SESN3: variants seen among roughly 807,000 people sequenced by gnomAD.
SESN3 encodes the protein sestrin-3.
A neutral mutation model predicts 55.3 loss-of-function variants in SESN3; 21 were observed. The ratio of observed to expected loss-of-function variants is 0.38; its 90% CI spans 0.27 to 0.55. The LOEUF (loss-of-function observed/expected upper bound fraction) is 0.55, where lower values mean the gene tolerates loss of function less well. Among genes scored for constraint, SESN3 ranks in the 20% least tolerant of loss-of-function variants. The pLI is 0.76. For synonymous variants in SESN3, 181 were observed against 203.1 expected, an observed-to-expected ratio of 0.89 and a Z score of 0.93; for missense variants, 408 against 604.3, an observed-to-expected ratio of 0.68 and a Z score of 3.41.
intron 5 of SESN3, 53 bp from the exon 6 acceptor site, chr11:95,184,647 T>C: frequency 1.3e-6 from 2 of 1,505,522 alleles, no homozygotes; most frequent in Non-Finnish European, 1.8e-6. Context: ...AGTGTTCCAG[T>C]AAATATCTCC....
At chr11:95,195,448 C>T (rs1163340528) in intron 1 of SESN3, among the ~76,000 whole-genome samples, 8 of 152,074 alleles carry the variant, frequency 5.3e-5, no homozygotes, top group Admixed American at 3.3e-4. Flanking sequence ...ATTTATTTAG[C>T]AAACATTAAT....
intron 1 of SESN3, among the ~76,000 whole-genome samples, chr11:95,205,185 C>T (rs1280268055): frequency 1.3e-5 from 2 of 152,142 alleles, no homozygotes; most frequent in African/African-American, 4.8e-5. Context: ...CTGAAACTTT[C>T]TCAGGGAATA....
At chr11:95,207,775 G>A (rs1860576669) in intron 1 of SESN3, among the ~76,000 whole-genome samples, 2 of 151,182 alleles carry the variant, frequency 1.3e-5, no homozygotes, top group South Asian at 4.3e-4. Flanking sequence ...CAGAAGAACT[G>A]TAATTTTAAA....
At chr11:95,224,692 A>G (rs886840425) in intron 1 of SESN3, among the ~76,000 whole-genome samples, 17 of 152,200 alleles carry the variant, frequency 1.1e-4, no homozygotes, top group African/African-American at 3.9e-4. Context: ...TGACAGATAC[A>G]TATTTTCAAA....
At chr11:95,219,617 C>T (rs1238312734) in intron 1 of SESN3, among the ~76,000 whole-genome samples, 30 of 152,108 alleles carry the variant, frequency 2.0e-4, no homozygotes, top group Admixed American at 1.9e-3. Context: ...GTCCCAACAC[C>T]CTGCTTATTA....
rs1288757438 is a variant in SESN3 at position 95,231,185 on chromosome 11, G to A, written c.-325C>T. ...CACCGCTGCCACCGCCACCACCGCC[G>A]CCGCAGCGCCTCAGTGCGGCCCCGC... On this transcript the variant is annotated 5_prime_UTR_variant, in exon 1 of 10. Coordinates refer to ENST00000536441, the MANE Select transcript of SESN3 (RefSeq NM_144665.4). 5.5e-6 allele frequency: 1 copy of A among 182,236 alleles called. No homozygotes were observed. The highest frequency in any genetic ancestry group is 1.3e-4 in the East Asian group (1 of 7,534). 11.3% of individuals were successfully genotyped at this position (182,236 alleles called of 1,614,324 possible).
At chr11:95,177,674 A>G (rs1463658450) in intron 8 of SESN3, 45 bp downstream of exon 8, 1 of 1,473,808 alleles carries the variant, frequency 6.8e-7, no homozygotes, top group Admixed American at 2.1e-5. Flanking sequence ...TCATGCTTGA[A>G]TTTTCACTTA....
chr11:95,210,474 A>G (rs1290882433), intron 1 of SESN3, among the ~76,000 whole-genome samples: 3 of 152,222 alleles, frequency 2.0e-5, no homozygotes, highest in African/African-American at 7.2e-5. Flanking sequence ...GATGATCTGA[A>G]ATAAGACGTA....
intron 1 of SESN3, among the ~76,000 whole-genome samples, chr11:95,218,557 G>T (rs1001530934): frequency 9.9e-5 from 15 of 151,136 alleles, no homozygotes; most frequent in Admixed American, 9.9e-4. Flanking sequence ...ATCTGACATA[G>T]AATTCTGATA....
chr11:95,209,807 A>G lies in SESN3; in HGVS notation c.79-16285T>C, dbSNP rs1386779914. ...TGAGGCGGGTGGATCTCCTGAGGTT[A>G]GAAGTTTGAGACCAGCCTGGCTAAC... On this transcript the variant is annotated intron_variant, in intron 1 of 9. Transcript: ENST00000536441. Among the ~76,000 whole-genome samples, 3 of 150,788 alleles carry G rather than the reference A, an allele frequency of 2.0e-5. 1 individual carries two copies. Among genetic ancestry groups the G allele is most frequent in the African/African-American group, 7.3e-5 (3 of 41,034 alleles).
In SESN3 at chr11:95,167,384, G is replaced by A. The variant is rs1055326751; in HGVS notation, c.*5871C>T. On this transcript the variant is annotated 3_prime_UTR_variant, in exon 10 of 10. Transcript: ENST00000536441. ...CTATGAACTGTAAAATTGGGTATCT[G>A]TTCTAAAGGCTATTTTGTGGTATGC... is the stretch of plus-strand genomic sequence containing the variant. 6.6e-6 allele frequency: 1 copy of A among 152,040 alleles called. No homozygotes were observed. The allele number at this position is 152,040 out of a possible 1,614,324, so 9.4% of individuals were successfully genotyped here. A position where few individuals can be genotyped will look rare whatever the true frequency, so the allele number is the denominator to read the frequency against.
In SESN3 at chr11:95,230,762, G is replaced by GACCCCGGGCCGA; in HGVS notation, c.78+9_78+20dup. ...GGCAGGAAGCGACCCTCGCCGGCAG[G>GACCCCGGGCCGA]ACCCCGGGCCGAACCCGTACCTTCC... is the stretch of plus-strand genomic sequence containing the variant. On this transcript the variant is annotated intron_variant, in intron 1 of 9. Transcript: ENST00000536441. This position sits in a 1 kb window ranked among gnomAD's most constrained non-coding sequence, Gnocchi z 4.6. The GACCCCGGGCCGA allele has an allele frequency of 7.5e-6, 12 of 1,590,774 alleles. No homozygotes were observed. The highest frequency in any genetic ancestry group is 1.7e-4 in the Middle Eastern group (1 of 5,866).
rs576693330 is a variant in SESN3 at position 95,165,754 on chromosome 11, C to T, written c.*7501G>A. ...TTTCAGATGTGTTTGTCTTGACTCA[C>T]TAACAGTTCCTTCTGCATCTGTCCA... On this transcript the variant is annotated 3_prime_UTR_variant, in exon 10 of 10. Transcript: ENST00000536441. The T allele has an allele frequency of 6.6e-6, 1 of 152,292 alleles. No individual in the cohort carries two copies. The highest frequency in any genetic ancestry group is 2.4e-5 in the African/African-American group (1 of 41,564). The allele number at this position is 152,292 out of a possible 1,614,324, so 9.4% of individuals were successfully genotyped here.
chr11:95,232,308 G>T (rs908294323), upstream of SESN3: 3 of 152,276 alleles, frequency 2.0e-5, no homozygotes, highest in Non-Finnish European at 2.9e-5. Context: ...AGCAATGCGC[G>T]TCCGAGTCGA....
chr11:95,225,250 A>T (rs1860927806), intron 1 of SESN3, among the ~76,000 whole-genome samples: 1 of 152,048 alleles, frequency 6.6e-6, no homozygotes, highest in African/African-American at 2.4e-5. Context: ...CACAGTTTTG[A>T]CCTCTCAGGC....
chr11:95,202,535 A>G (rs1244084378), intron 1 of SESN3, among the ~76,000 whole-genome samples: 1 of 152,084 alleles, frequency 6.6e-6, no homozygotes, highest in Non-Finnish European at 1.5e-5. Flanking sequence ...TTTCTTAAAA[A>G]TCAGTAATAT....
chr11:95,229,167 T>C (rs1378424990), intron 1 of SESN3, among the ~76,000 whole-genome samples: 1 of 152,248 alleles, frequency 6.6e-6, no homozygotes, highest in African/African-American at 2.4e-5. Context: ...CATTTTTTCA[T>C]GTCAAAGACA....
chr11:95,209,348 C>T (rs1009558610), intron 1 of SESN3, among the ~76,000 whole-genome samples: 1 of 151,134 alleles, frequency 6.6e-6, no homozygotes, highest in African/African-American at 2.4e-5. Flanking sequence ...TATAGAAATG[C>T]AAATCAAAAA....
intron 4 of SESN3, among the ~76,000 whole-genome samples, chr11:95,188,075 G>C (rs1262042455): frequency 6.7e-6 from 1 of 149,780 alleles, no homozygotes; most frequent in East Asian, 2.0e-4. Flanking sequence ...ACTGCTTCCA[G>C]TCTGTACAAT....
Sources: gnomAD v4.1 joint callset for allele counts (sites outside exome capture counted in the v4.1 genomes callset) on GRCh38, gnomAD v4.1.1 for gene constraint, Gnocchi (gnomAD v3.1) non-coding constraint, MANE v1.5 for transcripts, NCBI Gene and HGNC (gene_info 2026-07-23, HGNC 2026-07-21) for gene names.